PLEKHG7: variants seen among roughly 807,000 people sequenced by gnomAD.
The protein encoded by PLEKHG7 is pleckstrin homology domain-containing family G member 7.
In PLEKHG7, 77 loss-of-function variants were observed where a neutral mutation model predicts 85.2. That is an observed-to-expected ratio of 0.90 (90% CI 0.75 to 1.09). The LOEUF is 1.09. PLEKHG7 is among the 50% of genes least tolerant of loss of function. PLEKHG7 has a pLI of 0.00. For synonymous variants in PLEKHG7, 301 were observed against 302.4 expected (o/e 1.00, Z 0.05); for missense variants, 777 against 804.3 (o/e 0.97, Z 0.41).
chr12:92,728,875 C>T (rs1392695353), intron 3 of PLEKHG7, 118 bp from the exon 4 acceptor site: 16 of 725,442 alleles, frequency 2.2e-5, no homozygotes, highest in Non-Finnish European at 2.8e-5. Flanking sequence ...GGACTATAAG[C>T]ATCCCTTTCT....
At chr12:92,754,967 T>G (rs956674856) in intron 11 of PLEKHG7, among the ~76,000 whole-genome samples, 7 of 152,210 alleles carry the variant, frequency 4.6e-5, no homozygotes, top group African/African-American at 1.7e-4. Context: ...AAAGTAAGAC[T>G]GTTTAATTGG....
chr12:92,766,862 CTTTT>C (rs746681063), intron 15 of PLEKHG7, among the ~76,000 whole-genome samples: 25 of 152,222 alleles, frequency 1.6e-4, no homozygotes, highest in Non-Finnish European at 3.2e-4. Context: ...ATGCTTCCAC[CTTTT>C]TTATTTTCTG....
chr12:92,712,637 A>AT (rs139720151), intron 3 of PLEKHG7, among the ~76,000 whole-genome samples: 7,991 of 151,562 alleles, frequency 0.053, 709 homozygotes, highest in African/African-American at 0.18. Context: ...CAGGGATGCG[A>AT]TTTTTTTTTA....
In PLEKHG7 at chr12:92,754,347, G is replaced by A. The variant is rs189177078; in HGVS notation, c.1426+83G>A. ...AACCTTCTGGGCTTCCATCCTAGGA[G>A]GTAATTCCACTGATTTGAGGTCATG... is the stretch of plus-strand genomic sequence containing the variant. On this transcript the variant is annotated intron_variant, in intron 11 of 16. Transcript: ENST00000344636. 18 of 1,355,762 alleles carry A rather than the reference G, an allele frequency of 1.3e-5. No individual in the cohort carries two copies. The East Asian group carries it at 3.6e-4, about 27-fold the overall frequency. The allele number at this position is 1,355,762 out of a possible 1,614,324, so 84.0% of individuals were successfully genotyped here. A position where few individuals can be genotyped will look rare whatever the true frequency, so the allele number is the denominator to read the frequency against.
intron 13 of PLEKHG7, 125 bp from the exon 14 acceptor site, chr12:92,761,627 A>AAAGAAAGAAAGAAAGGAAGG (rs1555196580): frequency 1.3e-5 from 1 of 79,132 alleles, no homozygotes; most frequent in African/African-American, 2.4e-4. Context: ...AAGAAAGAAG[A>AAAGAAAGAAAGAAAGGAAGG]AAGAAAGAAA....
chr12:92,715,334 C>T (rs1395521995), intron 3 of PLEKHG7, among the ~76,000 whole-genome samples: 4 of 152,200 alleles, frequency 2.6e-5, no homozygotes, highest in South Asian at 2.1e-4. Context: ...TGCCTTCCCC[C>T]GCCCACTGAC....
At chr12:92,723,643 T>C (rs1006931098) in intron 3 of PLEKHG7, among the ~76,000 whole-genome samples, 2 of 152,214 alleles carry the variant, frequency 1.3e-5, no homozygotes, top group African/African-American at 4.8e-5. Context: ...TTGTCTGCAT[T>C]TCCCAAATGG....
rs1873396683 is a variant in PLEKHG7 at position 92,770,890 on chromosome 12, T to C, written c.*695T>C. The C allele has an allele frequency of 1.3e-5, 2 of 152,272 alleles. No individual in the cohort carries two copies. The highest frequency in any genetic ancestry group is 1.3e-4 in the Admixed American group (2 of 15,292). 9.4% of individuals were successfully genotyped at this position (152,272 alleles called of 1,614,324 possible). A position where few individuals can be genotyped will look rare whatever the true frequency, so the allele number is the denominator to read the frequency against. ...CTTTTGCATGGCTTTTCTTGGCCTG[T>C]TGTGAAGTGTACAGATTTTCATAGA... On this transcript the variant is annotated 3_prime_UTR_variant, in exon 17 of 17. Transcript: ENST00000344636.
rs763985239 is a variant in PLEKHG7, at chr12:92,761,754, A to T, written c.1639A>T (p.Ser547Cys). The T allele has an allele frequency of 1.4e-5, 22 of 1,564,646 alleles. No individual in the cohort carries two copies. Among genetic ancestry groups the T allele is most frequent in the Non-Finnish European group, 1.1e-5 (13 of 1,163,072 alleles). The change falls in exon 14 of 17, where the codon AGC becomes TGC. Residue 547 changes from serine (S) to cysteine (C), a missense_variant and splice_region_variant. Physicochemically the swap from Ser to Cys is moderately radical, Grantham distance 112 (BLOSUM62 -1). Coordinates refer to ENST00000344636, the MANE Select transcript of PLEKHG7 (RefSeq NM_001377329.1). ...LYEGKLTLAE[S>C]TRFLDVYLFL... ...TCAGCTTCTCTTTTTTTCCTCAGAA[A>T]GCACGAGATTCCTAGATGTTTATCT...
At chr12:92,735,938 A>G (rs1872132640) in intron 5 of PLEKHG7, among the ~76,000 whole-genome samples, 1 of 152,202 alleles carries the variant, frequency 6.6e-6, no homozygotes, top group Non-Finnish European at 1.5e-5. Flanking sequence ...AAAAATGACT[A>G]TAACAAAAAT....
intron 4 of PLEKHG7, among the ~76,000 whole-genome samples, chr12:92,731,507 C>A (rs187206629): frequency 1.3e-5 from 2 of 152,154 alleles, no homozygotes; most frequent in East Asian, 3.8e-4. Flanking sequence ...TCAGAACATG[C>A]CACCCACACC....
chr12:92,705,156 C>T (rs983548683), intron 1 of PLEKHG7, among the ~76,000 whole-genome samples: 2 of 152,178 alleles, frequency 1.3e-5, no homozygotes, highest in Admixed American at 6.5e-5. Flanking sequence ...TTAGGGAGTA[C>T]ATTGGTGTGG....
intron 3 of PLEKHG7, among the ~76,000 whole-genome samples, chr12:92,710,963 A>G (rs999839448): frequency 7.2e-5 from 11 of 152,278 alleles, no homozygotes; most frequent in Admixed American, 2.0e-4. Flanking sequence ...GTTTTTGACC[A>G]CTCAGAGAGG....
rs764244192 is a variant in PLEKHG7, at chr12:92,770,310, G to T, written c.*115G>T. 71 of 828,768 alleles carry T rather than the reference G, an allele frequency of 8.6e-5. No homozygotes were observed. The highest frequency in any genetic ancestry group is 1.3e-4 in the Non-Finnish European group (68 of 529,230). The allele number at this position is 828,768 out of a possible 1,614,324, so 51.3% of individuals were successfully genotyped here. On this transcript the variant is annotated 3_prime_UTR_variant, in exon 17 of 17. Coordinates refer to ENST00000344636, the MANE Select transcript of PLEKHG7 (RefSeq NM_001377329.1). ...GCTAGAAGGAAATTTGCATTTTAAA[G>T]AAGTTTCAGAATTTGAAATTTTGAG...
In PLEKHG7 at chr12:92,764,584, T is replaced by C. The variant is rs144774570; in HGVS notation, c.1870+390T>C. The stretch of plus-strand genomic sequence containing the variant: ...CTGTTATTAAAACACTGAGAAACCA[T>C]AACCAGACGTGCAAGAGTAAGATAT... On this transcript the variant is annotated intron_variant, in intron 15 of 16. Transcript: ENST00000344636. Among the ~76,000 whole-genome samples, 56 of 152,202 alleles carry C rather than the reference T, an allele frequency of 3.7e-4. No individual in the cohort carries two copies. In the East Asian group the frequency reaches 0.01, roughly 28 times the overall value.
intron 14 of PLEKHG7, among the ~76,000 whole-genome samples, chr12:92,763,556 T>C (rs1437694033): frequency 6.6e-6 from 1 of 152,186 alleles, no homozygotes; most frequent in African/African-American, 2.4e-5. Flanking sequence ...AGCTCACTCC[T>C]GTAATCCCAG....
chr12:92,760,387 CT>C (rs34881977), intron 13 of PLEKHG7, among the ~76,000 whole-genome samples: 3,067 of 152,114 alleles, frequency 0.02, 108 homozygotes, highest in African/African-American at 0.069. Context: ...GATTTCTCCC[CT>C]ATGCAAATAT....
rs533906819 is a variant in PLEKHG7 at position 92,717,492 on chromosome 12, G to C, written c.530+9820G>C. 5.5e-4 allele frequency among the ~76,000 whole-genome samples: 83 copies of C among 152,268 alleles called. 1 individual carries two copies. Among genetic ancestry groups the C allele is most frequent in the Non-Finnish European group, 1.1e-3 (73 of 68,026 alleles). ...TTCCTTAACCACTTGAAACTTCGAT[G>C]TTTTTAATCCACAAAGTGGAGACAC... is the stretch of plus-strand genomic sequence containing the variant. On this transcript the variant is annotated intron_variant, in intron 3 of 16. Coordinates refer to ENST00000344636, the MANE Select transcript of PLEKHG7 (RefSeq NM_001377329.1).
Position 92,749,973 on chromosome 12 carries a change from T to TTTATTTTATTTTA in PLEKHG7, c.1252-4088_1252-4076dup, listed in dbSNP as rs1565794562. 9.3e-3 allele frequency among the ~76,000 whole-genome samples: 997 copies of TTTATTTTATTTTA among 106,632 alleles called. 22 individuals carry two copies. The highest frequency in any genetic ancestry group is 0.035 in the African/African-American group (912 of 25,860). 70.0% of individuals were successfully genotyped at this position (106,632 alleles called of 152,430 possible). A position where few individuals can be genotyped will look rare whatever the true frequency, so the allele number is the denominator to read the frequency against. On this transcript the variant is annotated intron_variant, in intron 10 of 16. Coordinates refer to ENST00000344636, the MANE Select transcript of PLEKHG7 (RefSeq NM_001377329.1). The stretch of plus-strand genomic sequence containing the variant: ...TTTTATTTTATATTTTATTTTATAT[T>TTTATTTTATTTTA]TTATTTTATTTTATTATTTTATTTT...
Sources: gnomAD v4.1 joint callset for allele counts (sites outside exome capture counted in the v4.1 genomes callset) on GRCh38, gnomAD v4.1.1 for gene constraint, MANE v1.5 for transcripts, NCBI Gene and HGNC (gene_info 2026-07-23, HGNC 2026-07-21) for gene names.